The following COL15A1 variants were observed in gnomAD, a reference collection of about 807,000 sequenced individuals.
COL15A1 encodes collagen type XV alpha 1 chain.
COL15A1 carries 111 observed loss-of-function variants against 165.9 expected under a neutral mutation model. That is an observed-to-expected ratio of 0.67 (90% confidence interval 0.57 to 0.78). COL15A1 has a LOEUF of 0.78. Ranked by LOEUF, COL15A1 falls within the 30% of genes least tolerant of loss-of-function variation. The pLI is 0.00. For missense variants in COL15A1, 1,745 were observed against 1,789.7 expected, an observed-to-expected ratio of 0.98 and a Z score of 0.45; for synonymous variants, 659 against 674.8, an observed-to-expected ratio of 0.98 and a Z score of 0.36.
intron 37 of COL15A1, 51 bp downstream of exon 37, chr9:99,062,150 T>C: frequency 6.2e-7 from 1 of 1,608,536 alleles, no homozygotes; most frequent in South Asian, 1.1e-5. Flanking sequence ...CCTCTAAAAA[T>C]AATAATCTAC....
Position 99,022,115 on chromosome 9 carries a change from G to A in COL15A1, c.1726G>A (p.Gly576Ser), listed in dbSNP as rs1402806877. ...EKGDAGEELP[G>S]PPEPSGPVGP... ...GGGTGATGCTGGGGAGGAGCTTCCT[G>A]GCCCTCCTGAACCTTCTGGGCCTGT... is the stretch of plus-strand genomic sequence containing the variant. Residue 576 changes from glycine to serine, a missense_variant, in exon 13 of 42, where the codon GGC (glycine) becomes AGC (serine). Transcript: ENST00000375001. 1 of 1,614,020 alleles carries A rather than the reference G, an allele frequency of 6.2e-7. No individual in the cohort carries two copies. The highest frequency in any genetic ancestry group is 8.5e-7 in the Non-Finnish European group (1 of 1,180,006).
At chr9:99,013,658 G>A (rs932096795) in intron 9 of COL15A1, among the ~76,000 whole-genome samples, 5 of 151,882 alleles carry the variant, frequency 3.3e-5, no homozygotes, top group African/African-American at 1.2e-4. Context: ...ATCCTCTCCC[G>A]GTATAAGGTA....
At chr9:98,970,459 C>A (rs1838029145) in intron 2 of COL15A1, among the ~76,000 whole-genome samples, 1 of 152,222 alleles carries the variant, frequency 6.6e-6, no homozygotes, top group South Asian at 2.1e-4. Flanking sequence ...GCAGTCTGAG[C>A]TCTCTGAGCC....
chr9:99,006,416 C>G (rs1480963330), intron 9 of COL15A1, among the ~76,000 whole-genome samples: 2 of 152,220 alleles, frequency 1.3e-5, no homozygotes, highest in Admixed American at 6.5e-5. Context: ...CATCACAGAT[C>G]AACAACGCCG....
In COL15A1 at chr9:99,055,319, G is replaced by T. The variant is rs781106209; in HGVS notation, c.3139G>T (p.Gly1047Cys). 35 of 1,613,866 alleles carry T rather than the reference G, an allele frequency of 2.2e-5. No homozygotes were observed. Among genetic ancestry groups the T allele is most frequent in the Non-Finnish European group, 2.9e-5 (34 of 1,179,866 alleles). ...AAAAGGAGAAAAAGGAGACATTAATGGCAGCTTCCTTATGTCTGGGCCTCC... is the reference window on the plus strand; with the variant it reads ...AAAAGGAGAAAAAGGAGACATTAATTGCAGCTTCCTTATGTCTGGGCCTCC... ...GEKGEKGDIN[G>C]SFLMSGPPGL... Residue 1047 changes from glycine (G) to cysteine (C), a missense_variant, in exon 34 of 42, where the codon GGC becomes TGC. Physicochemically the swap from Gly to Cys is radical, Grantham distance 159. Transcript: ENST00000375001.
chr9:99,060,601 C>A (rs1049879758), intron 36 of COL15A1, among the ~76,000 whole-genome samples: 1 of 152,004 alleles, frequency 6.6e-6, no homozygotes, highest in Non-Finnish European at 1.5e-5. Context: ...AAAGCATAAA[C>A]CTGCTCGGGT....
intron 2 of COL15A1, among the ~76,000 whole-genome samples, chr9:98,973,726 AG>A (rs1838098862): frequency 6.6e-6 from 1 of 152,224 alleles, no homozygotes; most frequent in Non-Finnish European, 1.5e-5. Flanking sequence ...GCTAAAGACA[AG>A]GAAGTCTGTG....
intron 32 of COL15A1, 87 bp from the exon 33 acceptor site, chr9:99,055,015 A>G (rs1387855211): frequency 4.5e-6 from 5 of 1,107,734 alleles, no homozygotes; most frequent in Middle Eastern, 2.3e-4. Flanking sequence ...ATCCACTAAG[A>G]TGTAACTGTG....
chr9:98,977,048 A>G (rs1838153339), intron 2 of COL15A1, among the ~76,000 whole-genome samples: 1 of 152,206 alleles, frequency 6.6e-6, no homozygotes, highest in Non-Finnish European at 1.5e-5. Context: ...TGCATGGGAA[A>G]TAGCAGGGTA....
At chr9:99,024,444 C>T (rs1305991279) in intron 14 of COL15A1, among the ~76,000 whole-genome samples, 1 of 151,910 alleles carries the variant, frequency 6.6e-6, no homozygotes, top group Non-Finnish European at 1.5e-5. Flanking sequence ...GCCACCACGC[C>T]CGGCTAATTT....
Position 99,040,524 on chromosome 9 carries a change from C to T in COL15A1, c.2479C>T (p.Pro827Ser). 2 of 1,614,172 alleles carry T rather than the reference C, an allele frequency of 1.2e-6. No individual in the cohort carries two copies. Among genetic ancestry groups the T allele is most frequent in the South Asian group, 2.2e-5 (2 of 91,076 alleles). ...DIPELVGPPG[P>S]DGLPGLPGFP... ...CTCTATCTTTGGTGTGTCACAGGGG[C>T]CGGACGGGTTGCCTGGGCTGCCAGG... The change falls in exon 23 of 42, where the codon CCG becomes TCG. Residue 827 changes from proline to serine, a missense_variant. By Grantham distance (74) the Pro-to-Ser change is moderately conservative. Transcript: ENST00000375001.
chr9:98,965,989 A>G (rs1837950559), intron 2 of COL15A1, among the ~76,000 whole-genome samples: 1 of 152,064 alleles, frequency 6.6e-6, no homozygotes, highest in East Asian at 1.9e-4. Flanking sequence ...TTGTTCCCCC[A>G]GAGCCCAGCC....
At chr9:98,970,197 T>C (rs1436571465) in intron 2 of COL15A1, among the ~76,000 whole-genome samples, 2 of 152,088 alleles carry the variant, frequency 1.3e-5, no homozygotes, top group African/African-American at 4.8e-5. Flanking sequence ...AAAACAAACA[T>C]TTATTGAGCA....
At chr9:98,962,597 T>G (rs1837881761) in intron 2 of COL15A1, among the ~76,000 whole-genome samples, 1 of 152,214 alleles carries the variant, frequency 6.6e-6, no homozygotes, top group Non-Finnish European at 1.5e-5. Context: ...AGAATTAAAT[T>G]TTCAAGGTCC....
chr9:99,060,256 A>ATATATAT (rs1554691785), intron 36 of COL15A1, among the ~76,000 whole-genome samples: 2 of 137,164 alleles, frequency 1.5e-5, no homozygotes, highest in African/African-American at 5.7e-5. Flanking sequence ...ATATATATAT[A>ATATATAT]TTTTTTTTTT....
chr9:99,032,239 G>A (rs939724738), intron 16 of COL15A1, among the ~76,000 whole-genome samples: 2 of 151,216 alleles, frequency 1.3e-5, no homozygotes, highest in African/African-American at 4.9e-5. Context: ...TTTTGAGATG[G>A]AGTCACGCAG....
intron 3 of COL15A1, 82 bp downstream of exon 3, chr9:98,986,194 T>C: frequency 2.8e-6 from 3 of 1,068,348 alleles, no homozygotes; most frequent in Non-Finnish European, 1.4e-6. Flanking sequence ...ACTATTATTG[T>C]TATTATTTTA....
chr9:99,037,993 A>C (rs1207549151), intron 21 of COL15A1, among the ~76,000 whole-genome samples: 4 of 152,170 alleles, frequency 2.6e-5, no homozygotes, highest in Non-Finnish European at 4.4e-5. Flanking sequence ...GCATGCATTT[A>C]ATATTAAGAC....
Position 98,989,186 on chromosome 9 carries a change from A to G in COL15A1, c.732A>G (p.Gly244=). The change falls in exon 5 of 42, where the codon GGA becomes GGG. Residue 244 remains glycine, a synonymous_variant. Transcript: ENST00000375001. ...AGTTTGTCTCCACACAGGCATCTGG[A>G]GAGACCAGTGGGCTGCAGGAGGCAG... ...LCDPEESSAS[G]ETSGLQEADG... is the part of the protein sequence containing the mutation. The G allele has an allele frequency of 6.2e-7, 1 of 1,613,984 alleles. No individual in the cohort carries two copies. Among genetic ancestry groups the G allele is most frequent in the Non-Finnish European group, 8.5e-7 (1 of 1,179,860 alleles).
Sources: gnomAD v4.1 joint callset for allele counts (sites outside exome capture counted in the v4.1 genomes callset) on GRCh38, gnomAD v4.1.1 for gene constraint, MANE v1.5 for transcripts, NCBI Gene and HGNC (gene_info 2026-07-23, HGNC 2026-07-21) for gene names.